PMEPA1: variants seen among roughly 807,000 people sequenced by gnomAD.
PMEPA1 encodes prostate transmembrane protein, androgen induced 1, also known as protein TMEPAI.
Under a neutral mutation model 23.0 loss-of-function variants are expected in PMEPA1, and 11 were observed. That is an observed-to-expected ratio of 0.48 (90% CI 0.30 to 0.79). The LOEUF is 0.79. Ranked by LOEUF, PMEPA1 falls within the 30% of genes least tolerant of loss-of-function variation. The pLI is 0.06. For missense variants in PMEPA1, 377 were observed against 390.9 expected (o/e 0.96, Z 0.30); for synonymous variants, 204 against 166.4 (o/e 1.23, Z -1.74).
At chr20:57,689,644 G>A (rs1346789068) in intron 1 of PMEPA1, among the ~76,000 whole-genome samples, 1 of 152,214 alleles carries the variant, frequency 6.6e-6, no homozygotes, top group Non-Finnish European at 1.5e-5. Context: ...ATAAATAGCT[G>A]TTTCTCATGA....
chr20:57,652,477 G>A lies in PMEPA1; in HGVS notation c.440C>T (p.Pro147Leu). 6.2e-7 allele frequency: 1 copy of A among 1,609,134 alleles called. No individual in the cohort carries two copies. The highest frequency in any genetic ancestry group is 8.5e-7 in the Non-Finnish European group (1 of 1,176,846). Residue 147 changes from proline (P) to leucine (L), a missense_variant, in exon 4 of 4, where the codon CCA becomes CTA. Transcript: ENST00000341744. The surrounding 1 kb of genome is among the most constrained non-coding windows in gnomAD (Gnocchi z 6.1). ...YPYLQHEIDLPPTISLSDGEE... is the reference protein window; with the variant it reads ...YPYLQHEIDLLPTISLSDGEE... ...CCCGTCTGACAGCGAGATGGTGGGT[G>A]GCAGGTCGATCTCGTGCTGCAGGTA...
chr20:57,710,250 G>A, upstream of PMEPA1: 1 of 575,016 alleles, frequency 1.7e-6, no homozygotes, highest in Non-Finnish European at 2.8e-6. Flanking sequence ...AGCTTGGAAC[G>A]CCTGCCCGGC....
chr20:57,691,590 G>A (rs1600666238), intron 1 of PMEPA1, among the ~76,000 whole-genome samples: 1 of 152,162 alleles, frequency 6.6e-6, no homozygotes, highest in African/African-American at 2.4e-5. Context: ...CCTCAGGGAT[G>A]GGGTAGGGAG....
chr20:57,684,762 T>C (rs1342372969), intron 1 of PMEPA1, among the ~76,000 whole-genome samples: 1 of 151,914 alleles, frequency 6.6e-6, no homozygotes, highest in African/African-American at 2.4e-5. Context: ...TCTGGTGTTT[T>C]ATTTGTCTAG....
At chr20:57,680,111 G>A (rs1382491087) in intron 1 of PMEPA1, among the ~76,000 whole-genome samples, 1 of 152,220 alleles carries the variant, frequency 6.6e-6, no homozygotes, top group Non-Finnish European at 1.5e-5. Flanking sequence ...ACCGTCGGGG[G>A]ATGAGTGGAT....
chr20:57,658,017 G>T (rs1033690841), intron 2 of PMEPA1, among the ~76,000 whole-genome samples: 3 of 152,234 alleles, frequency 2.0e-5, no homozygotes, highest in Non-Finnish European at 4.4e-5. Context: ...GTGCAGAGAT[G>T]GAAGCCATTA....
intron 1 of PMEPA1, among the ~76,000 whole-genome samples, chr20:57,692,385 GTGAGCAA>G (rs1173593274): frequency 6.6e-6 from 1 of 152,252 alleles, no homozygotes; most frequent in Non-Finnish European, 1.5e-5. Flanking sequence ...ATGGGGGCAG[GTGAGCAA>G]TGGTCTGTCA....
intron 2 of PMEPA1, 53 bp from the exon 3 acceptor site, chr20:57,653,139 G>T (rs1251318162): frequency 1.1e-5 from 16 of 1,434,188 alleles, no homozygotes; most frequent in African/African-American, 1.4e-5. Flanking sequence ...AGGAGGGACA[G>T]CAAAGGCTCA....
rs576800099 is a variant in PMEPA1 at position 57,653,277 on chromosome 20, C to A, written c.265-191G>T. On this transcript the variant is annotated intron_variant, in intron 2 of 3. Coordinates refer to ENST00000341744, the MANE Select transcript of PMEPA1 (RefSeq NM_020182.5). Reference sequence around the variant, plus strand: ...TTCCAGGACGTGAGCGCAATCACCTCCTCACTGATCCCTGAGGTGCCCTCT... The same window carrying A: ...TTCCAGGACGTGAGCGCAATCACCTACTCACTGATCCCTGAGGTGCCCTCT... Among the ~76,000 whole-genome samples the A allele has an allele frequency of 8.4e-4, 128 of 152,290 alleles. 1 individual carries two copies. In the Middle Eastern group the frequency reaches 0.014, roughly 16 times the overall value.
At chr20:57,707,512 C>T (rs1296957517) in intron 1 of PMEPA1, among the ~76,000 whole-genome samples, 1 of 152,222 alleles carries the variant, frequency 6.6e-6, no homozygotes, top group Admixed American at 6.5e-5. Flanking sequence ...GGGTCCCAAT[C>T]ACTCAAAGGC....
chr20:57,706,518 C>T (rs1053471713), intron 1 of PMEPA1, among the ~76,000 whole-genome samples: 13 of 152,172 alleles, frequency 8.5e-5, no homozygotes, highest in African/African-American at 3.1e-4. Context: ...TCCCACCAGA[C>T]AGCAGCCTCA....
intron 1 of PMEPA1, among the ~76,000 whole-genome samples, chr20:57,663,063 C>T (rs1038819477): frequency 1.3e-5 from 2 of 152,202 alleles, no homozygotes; most frequent in African/African-American, 4.8e-5. Flanking sequence ...GAAAAACGCT[C>T]CCAGAAATGA....
chr20:57,696,120 C>T (rs1383492252), intron 1 of PMEPA1, among the ~76,000 whole-genome samples: 3 of 152,112 alleles, frequency 2.0e-5, no homozygotes, highest in Admixed American at 6.5e-5. Context: ...CCCCAGGGAT[C>T]GCTGCTGGCA....
chr20:57,649,939 A>G lies in PMEPA1; in HGVS notation c.*2114T>C, dbSNP rs1280514856. 6.6e-6 allele frequency: 1 copy of G among 152,590 alleles called. No homozygotes were observed. 9.5% of individuals were successfully genotyped at this position (152,590 alleles called of 1,614,324 possible). A position where few individuals can be genotyped will look rare whatever the true frequency, so the allele number is the denominator to read the frequency against. ...GGAAAGATACGTTTTAATCATCTTT[A>G]CAAGTGCGTCCTTGTACCTTTCGGG... On this transcript the variant is annotated 3_prime_UTR_variant, in exon 4 of 4. Transcript: ENST00000341744.
chr20:57,708,541 C>T (rs1025751135), intron 1 of PMEPA1, among the ~76,000 whole-genome samples: 1 of 152,186 alleles, frequency 6.6e-6, no homozygotes, highest in African/African-American at 2.4e-5. Flanking sequence ...CACCGTTGGT[C>T]CACTGATCCC....
intron 1 of PMEPA1, among the ~76,000 whole-genome samples, chr20:57,670,894 G>A (rs889266449): frequency 5.3e-5 from 8 of 152,052 alleles, no homozygotes; most frequent in Admixed American, 1.3e-4. Flanking sequence ...AGAGAAACAC[G>A]TTCTTCCCCA....
intron 1 of PMEPA1, among the ~76,000 whole-genome samples, chr20:57,674,765 G>A (rs1245351990): frequency 6.6e-6 from 1 of 152,188 alleles, no homozygotes; most frequent in Admixed American, 6.5e-5. Flanking sequence ...TCGTGCCCCT[G>A]CTGTATGCCA....
chr20:57,681,065 G>A (rs565292921), intron 1 of PMEPA1, among the ~76,000 whole-genome samples: 5 of 152,352 alleles, frequency 3.3e-5, no homozygotes, highest in Non-Finnish European at 7.3e-5. Flanking sequence ...TTTTGCATGA[G>A]GGATTTCCAA....
chr20:57,701,963 G>T (rs2072017361), intron 1 of PMEPA1, among the ~76,000 whole-genome samples: 1 of 152,148 alleles, frequency 6.6e-6, no homozygotes, highest in Non-Finnish European at 1.5e-5. Context: ...TTACTGCCAT[G>T]ACAGGTGTGA....
Sources: allele counts gnomAD v4.1 joint callset (sites outside exome capture counted in the v4.1 genomes callset), GRCh38; gene constraint gnomAD v4.1.1; non-coding constraint Gnocchi (gnomAD v3.1); transcripts MANE v1.5; gene names NCBI Gene and HGNC (gene_info 2026-07-23, HGNC 2026-07-21).